Variants in ANAPC4 observed in about 807,000 individuals in gnomAD.
ANAPC4 encodes anaphase-promoting complex subunit 4.
In ANAPC4, 63 loss-of-function variants were observed where a neutral mutation model predicts 119.8. The ratio of observed to expected loss-of-function variants is 0.53; its 90% CI spans 0.43 to 0.65. The LOEUF (loss-of-function observed/expected upper bound fraction) is 0.65, where lower values mean the gene tolerates loss of function less well. Ranked by LOEUF, ANAPC4 falls within the 30% of genes least tolerant of loss-of-function variation. The pLI is 0.00. For synonymous variants in ANAPC4, 283 were observed against 318.6 expected (o/e 0.89, Z 1.19); for missense variants, 716 against 945.1 (o/e 0.76, Z 3.18).
intron 2 of ANAPC4, among the ~76,000 whole-genome samples, chr4:25,380,122 C>T (rs1208954951): frequency 6.6e-6 from 1 of 152,080 alleles, no homozygotes; most frequent in Non-Finnish European, 1.5e-5. Context: ...CTTGGACAGC[C>T]GCCTTCTTTA....
At chr4:25,396,789 A>G in intron 15 of ANAPC4, 25 bp downstream of exon 15, 13 of 1,610,274 alleles carry the variant, frequency 8.1e-6, no homozygotes, top group Non-Finnish European at 1.0e-5. Flanking sequence ...TCTCAGTGAA[A>G]TACATTAAAC....
chr4:25,391,503 A>G lies in ANAPC4; in HGVS notation c.705+488A>G, dbSNP rs565513113. On this transcript the variant is annotated intron_variant, in intron 9 of 28. Coordinates refer to ENST00000315368, the MANE Select transcript of ANAPC4 (RefSeq NM_013367.3). ...TGTCACAGGATGGGAAAGTGATGCTAGACAATCTGGCTGCATAATCTGTGC... is the reference window on the plus strand; with the variant it reads ...TGTCACAGGATGGGAAAGTGATGCTGGACAATCTGGCTGCATAATCTGTGC... 8.5e-5 allele frequency among the ~76,000 whole-genome samples: 13 copies of G among 152,364 alleles called. No individual in the cohort carries two copies. The South Asian group carries it at 2.1e-3, about 24-fold the overall frequency.
intron 10 of ANAPC4, 62 bp from the exon 11 acceptor site, chr4:25,393,742 TA>T (rs1180349060): frequency 1.0e-6 from 1 of 964,816 alleles, no homozygotes; most frequent in African/African-American, 1.7e-5. Context: ...AAGCACATAT[TA>T]TTTAGATAGC....
intron 11 of ANAPC4, 42 bp downstream of exon 11, chr4:25,393,933 C>A: frequency 6.9e-7 from 1 of 1,452,862 alleles, no homozygotes; most frequent in South Asian, 1.2e-5. Context: ...TTAAAGAATG[C>A]ATGATGTATG....
At chr4:25,378,550 C>T (rs920582620) in intron 2 of ANAPC4, among the ~76,000 whole-genome samples, 18 of 152,136 alleles carry the variant, frequency 1.2e-4, no homozygotes, top group African/African-American at 2.4e-5. Context: ...GGAAGGTAGA[C>T]GGGAGGCACA....
chr4:25,381,987 A>G (rs1053613364), intron 3 of ANAPC4, among the ~76,000 whole-genome samples: 1 of 152,218 alleles, frequency 6.6e-6, no homozygotes, highest in South Asian at 2.1e-4. Context: ...TAGAGATGAC[A>G]GTTGTTTCTG....
intron 4 of ANAPC4, among the ~76,000 whole-genome samples, chr4:25,384,741 C>T (rs185209738): frequency 1.3e-4 from 20 of 151,186 alleles, no homozygotes; most frequent in Non-Finnish European, 2.5e-4. Context: ...AGGTTGAGGC[C>T]GCAGTGAGCC....
chr4:25,413,600 G>A (rs752417684), intron 21 of ANAPC4, 45 bp from the exon 22 acceptor site: 1 of 1,425,906 alleles, frequency 7.0e-7, no homozygotes, highest in South Asian at 1.2e-5. Flanking sequence ...TTATAAGTTT[G>A]CTATAGCTTC....
chr4:25,391,380 G>T (rs996294174), intron 9 of ANAPC4, among the ~76,000 whole-genome samples: 2 of 152,138 alleles, frequency 1.3e-5, no homozygotes, highest in South Asian at 2.1e-4. Context: ...CAGAACAGTT[G>T]ATTTGAATCT....
In ANAPC4 at chr4:25,416,571, A is replaced by G. The variant is rs1421191636; in HGVS notation, c.2048A>G (p.Tyr683Cys). 2 of 1,570,778 alleles carry G rather than the reference A, an allele frequency of 1.3e-6. No homozygotes were observed. The highest frequency in any genetic ancestry group is 3.5e-5 in the Admixed American group (2 of 57,636). ...TATAACAGTGAAGATTCTGCAGAAT[A>G]TCAGTTCACTGGGACTTATTCTACA... is the stretch of plus-strand genomic sequence containing the variant. ...LVYNSEDSAE[Y>C]QFTGTYSTRL... is the part of the protein sequence containing the mutation. The change falls in exon 27 of 29, where the codon TAT (tyrosine) becomes TGT (cysteine). Residue 683 changes from tyrosine (Y) to cysteine (C), a missense_variant. By Grantham distance (194) the Tyr-to-Cys change is radical (BLOSUM62 -2). Around this residue, in one of 3 missense-constraint regions of ANAPC4, gnomAD observed 504 missense variants for 615.8 expected, o/e 0.82. Coordinates refer to ENST00000315368, the MANE Select transcript of ANAPC4 (RefSeq NM_013367.3).
chr4:25,416,688 T>C (rs1301773476), intron 27 of ANAPC4, 90 bp downstream of exon 27: 1 of 1,098,108 alleles, frequency 9.1e-7, no homozygotes, highest in Non-Finnish European at 1.2e-6. Context: ...CGCTAGATAA[T>C]GGTTATTTCG....
intron 25 of ANAPC4, 78 bp from the exon 26 acceptor site, chr4:25,415,388 T>G: frequency 1.8e-6 from 2 of 1,114,796 alleles, no homozygotes; most frequent in Non-Finnish European, 2.7e-6. Context: ...CTGACAATCA[T>G]GTTCTTTTAA....
At chr4:25,415,596 T>C (rs1560450159) in intron 26 of ANAPC4, 56 bp downstream of exon 26, 1 of 1,471,210 alleles carries the variant, frequency 6.8e-7, no homozygotes, top group East Asian at 2.3e-5. Context: ...TGTGTATATG[T>C]TTAGGAATAG....
At position 25,416,538 on chromosome 4, in the gene ANAPC4, C is replaced by T. The variant is rs772880730; in HGVS notation, c.2015C>T (p.Ser672Phe). 1.9e-6 allele frequency: 3 copies of T among 1,606,382 alleles called. No homozygotes were observed. The highest frequency in any genetic ancestry group is 3.3e-5 in the Admixed American group (2 of 59,880). ...RDRLLVQLPL[S>F]LVYNSEDSAE... ...AGACTCTTGGTCCAGCTGCCTTTGT[C>T]TTTAGTATATAACAGTGAAGATTCT... Residue 672 changes from serine to phenylalanine, a missense_variant, in exon 27 of 29, where the codon TCT becomes TTT. By Grantham distance (155) the Ser-to-Phe change is radical (BLOSUM62 -2). This residue lies in a region of ANAPC4 where 504 missense variants were observed against 615.8 expected (regional missense o/e 0.82). Transcript: ENST00000315368.
intron 20 of ANAPC4, among the ~76,000 whole-genome samples, chr4:25,408,484 TTTGTG>T (rs963032871): frequency 6.6e-6 from 1 of 152,006 alleles, no homozygotes; most frequent in African/African-American, 2.4e-5. Context: ...CAGAAAAGTC[TTTGTG>T]TTGTGAAGCA....
At chr4:25,414,915 C>T (rs867072926) in intron 25 of ANAPC4, among the ~76,000 whole-genome samples, 1 of 151,942 alleles carries the variant, frequency 6.6e-6, no homozygotes, top group Admixed American at 6.6e-5. Flanking sequence ...GGCATATAAT[C>T]ATTGTAGGAC....
intron 3 of ANAPC4, 25 bp from the exon 4 acceptor site, chr4:25,383,236 T>G: frequency 6.3e-7 from 1 of 1,578,378 alleles, no homozygotes; most frequent in Non-Finnish European, 8.6e-7. Flanking sequence ...CACTAATTTA[T>G]TCTGATTGTT....
intron 4 of ANAPC4, among the ~76,000 whole-genome samples, chr4:25,386,115 G>A (rs1722019374): frequency 6.6e-6 from 1 of 152,028 alleles, no homozygotes; most frequent in African/African-American, 2.4e-5. Flanking sequence ...GTTTCTCCGT[G>A]TTGGTCAGAC....
chr4:25,388,417 CTT>C, intron 4 of ANAPC4, 81 bp from the exon 5 acceptor site: 1 of 947,566 alleles, frequency 1.1e-6, no homozygotes, highest in Non-Finnish European at 1.7e-6. Flanking sequence ...AACTGGGTAT[CTT>C]TTTTAAAAAT....
Sources: allele counts gnomAD v4.1 joint callset (sites outside exome capture counted in the v4.1 genomes callset), GRCh38; gene constraint gnomAD v4.1.1; regional missense constraint gnomAD v4.1.1; transcripts MANE v1.5; gene names NCBI Gene and HGNC (gene_info 2026-07-23, HGNC 2026-07-21).